The following DGKD variants were observed in gnomAD, a reference collection of about 807,000 sequenced individuals.
The protein encoded by DGKD is diacylglycerol kinase delta, also known as DAG kinase delta.
DGKD carries 68 observed loss-of-function variants against 154.4 expected under a neutral mutation model. The observed-to-expected ratio is 0.44, with a 90% CI of 0.36 to 0.54. The LOEUF (loss-of-function observed/expected upper bound fraction) is 0.54, where lower values mean the gene tolerates loss of function less well. Ranked by LOEUF, DGKD falls within the 20% of genes least tolerant of loss-of-function variation. The probability of loss-of-function intolerance (pLI) is 0.00; values close to 1 mark genes in which losing one functional copy is unlikely to be tolerated. For synonymous variants in DGKD, 693 were observed against 638.0 expected (o/e 1.09, Z -1.30); for missense variants, 1,343 against 1,593.6 (o/e 0.84, Z 2.68).
chr2:233,429,310 A>G (rs2062427902), intron 3 of DGKD: 1 of 985,140 alleles, frequency 1.0e-6, no homozygotes, highest in Non-Finnish European at 1.2e-6. Flanking sequence ...AAGGTATATT[A>G]TCTTTCTCTT....
intron 3 of DGKD, among the ~76,000 whole-genome samples, chr2:233,428,619 G>T (rs976453736): frequency 1.3e-5 from 2 of 152,176 alleles, no homozygotes; most frequent in Non-Finnish European, 2.9e-5. Flanking sequence ...GGAGGCACAG[G>T]GCGGAGAAGC....
At chr2:233,455,712 C>T (rs994242910) in intron 19 of DGKD, among the ~76,000 whole-genome samples, 1 of 152,242 alleles carries the variant, frequency 6.6e-6, no homozygotes, top group African/African-American at 2.4e-5. Flanking sequence ...GCCACGTGGC[C>T]CCCTGTGGCC....
chr2:233,448,064 C>G, intron 12 of DGKD, 23 bp from the exon 13 acceptor site: 1 of 1,613,602 alleles, frequency 6.2e-7, no homozygotes, highest in South Asian at 1.1e-5. Context: ...ACCAACAGTC[C>G]TGGCCATTTG....
In DGKD at chr2:233,390,442, G is replaced by A. The variant is rs542595931; in HGVS notation, c.307G>A (p.Val103Ile). The change falls in exon 3 of 30, where the codon GTA becomes ATA. Residue 103 changes from valine (V) to isoleucine (I), a missense_variant. By Grantham distance (29) the Val-to-Ile change is conservative. This residue lies in a region of DGKD where 332 missense variants were observed against 400.1 expected (regional missense o/e 0.83). Coordinates refer to ENST00000264057, the MANE Select transcript of DGKD (RefSeq NM_152879.3). Reference sequence around the variant, plus strand: ...TGAGGTGGATCTGACAGATGCCAGCGTAGCTGAATCCAGTACCAAAAACGT... The same window carrying A: ...TGAGGTGGATCTGACAGATGCCAGCATAGCTGAATCCAGTACCAAAAACGT... Reference protein sequence around the residue: ...FDEVDLTDASVAESSTKNVNN... With the variant: ...FDEVDLTDASIAESSTKNVNN... 76 of 1,614,074 alleles carry A rather than the reference G, an allele frequency of 4.7e-5. No homozygotes were observed. Among genetic ancestry groups the A allele is most frequent in the Admixed American group, 1.7e-4 (10 of 60,016 alleles).
chr2:233,431,493 T>TCCAGAATAGCCAAAAGAC (rs2062508141), intron 3 of DGKD, among the ~76,000 whole-genome samples: 1 of 152,266 alleles, frequency 6.6e-6, no homozygotes, highest in South Asian at 2.1e-4. Context: ...TTTATATGGA[T>TCCAGAATAGCCAAAAGAC]CCAGAATAGC....
intron 3 of DGKD, among the ~76,000 whole-genome samples, chr2:233,397,020 G>C (rs1340190228): frequency 9.7e-5 from 1 of 10,306 alleles, no homozygotes; most frequent in Non-Finnish European, 2.0e-4. Context: ...GGTGGCTGGG[G>C]GGGGGGGCGC....
chr2:233,433,586 G>A (rs1456766731), intron 3 of DGKD, among the ~76,000 whole-genome samples: 1 of 152,076 alleles, frequency 6.6e-6, no homozygotes, highest in Non-Finnish European at 1.5e-5. Flanking sequence ...GAGTATACTT[G>A]GATTGTTTAT....
intron 27 of DGKD, among the ~76,000 whole-genome samples, chr2:233,464,725 C>T (rs758538431): frequency 4.6e-5 from 7 of 152,210 alleles, no homozygotes; most frequent in Admixed American, 2.6e-4. Flanking sequence ...TCCAGCTCGT[C>T]GCAGGTCTGG....
rs374813757 is a variant in DGKD at position 233,357,537 on chromosome 2, CTTTT to C, written c.156+2878_156+2881del. ...TGCATTTCTTTTTCTTTCTTTCTTT[CTTTT>C]TTTTTTTTTTTTTTGAGACAAGGTC... is the stretch of plus-strand genomic sequence containing the variant. On this transcript the variant is annotated intron_variant, in intron 1 of 29. Transcript: ENST00000264057. Among the ~76,000 whole-genome samples the C allele has an allele frequency of 7.0e-5, 9 of 129,180 alleles. No individual in the cohort carries two copies. The East Asian group carries it at 1.1e-3, about 16-fold the overall frequency. 84.7% of individuals were successfully genotyped at this position (129,180 alleles called of 152,430 possible). A position where few individuals can be genotyped will look rare whatever the true frequency, so the allele number is the denominator to read the frequency against.
intron 28 of DGKD, among the ~76,000 whole-genome samples, chr2:233,467,704 ACT>A (rs911604692): frequency 2.0e-5 from 3 of 151,788 alleles, no homozygotes. Context: ...TTGGAGCTAA[ACT>A]CTCTGTCTGA....
intron 16 of DGKD, 138 bp downstream of exon 16, chr2:233,450,269 A>G (rs1300730728): frequency 8.6e-7 from 1 of 1,162,088 alleles, no homozygotes; most frequent in Non-Finnish European, 1.2e-6. Flanking sequence ...TTGAGCGCCC[A>G]AGGCCTGTTT....
At chr2:233,411,564 A>G (rs946813132) in intron 3 of DGKD, among the ~76,000 whole-genome samples, 2 of 152,030 alleles carry the variant, frequency 1.3e-5, no homozygotes, top group Non-Finnish European at 2.9e-5. Context: ...TTCTTTATGT[A>G]TTTTGGATGT....
chr2:233,404,048 A>ATTACTTT, intron 3 of DGKD, among the ~76,000 whole-genome samples: 1 of 143,002 alleles, frequency 7.0e-6, no homozygotes, highest in Non-Finnish European at 1.6e-5. Context: ...GTGTTACAAA[A>ATTACTTT]TTACATTTTA....
chr2:233,362,667 A>C (rs1305032956), intron 1 of DGKD, among the ~76,000 whole-genome samples: 1 of 152,200 alleles, frequency 6.6e-6, no homozygotes, highest in Admixed American at 6.5e-5. Flanking sequence ...GAAAAAAAAG[A>C]AAGAAAAGTA....
rs772240406 is a variant in DGKD at position 233,468,513 on chromosome 2, G to A, written c.3515G>A (p.Arg1172Gln). The A allele has an allele frequency of 1.4e-5, 22 of 1,613,558 alleles. No individual in the cohort carries two copies. The highest frequency in any genetic ancestry group is 2.2e-5 in the East Asian group (1 of 44,880). Residue 1172 changes from arginine to glutamine, a missense_variant, in exon 29 of 30, where the codon CGG becomes CAG. Physicochemically the swap from Arg to Gln is conservative, Grantham distance 43. Around this residue, in one of 6 missense-constraint regions of DGKD, gnomAD observed 429 missense variants for 496.3 expected, o/e 0.86. Coordinates refer to ENST00000264057, the MANE Select transcript of DGKD (RefSeq NM_152879.3). ...YKDIFTRHDI[R>Q]GSELLHLERR... ...GACATCTTCACACGGCACGACATCC[G>A]GGGCTCTGAGCTCCTGCACCTGGAG... is the stretch of plus-strand genomic sequence containing the variant.
intron 1 of DGKD, among the ~76,000 whole-genome samples, chr2:233,384,816 C>T (rs1703086443): frequency 6.6e-6 from 1 of 152,126 alleles, no homozygotes; most frequent in South Asian, 2.1e-4. Context: ...TTCTGAGCCA[C>T]CACCGGGCTC....
chr2:233,408,611 CAGT>C (rs2061745454), intron 3 of DGKD, among the ~76,000 whole-genome samples: 1 of 152,222 alleles, frequency 6.6e-6, no homozygotes, highest in Non-Finnish European at 1.5e-5. Flanking sequence ...TGCCAGCTCT[CAGT>C]GGTGGGTTCT....
At chr2:233,365,251 G>A (rs1701966101) in intron 1 of DGKD, among the ~76,000 whole-genome samples, 1 of 150,292 alleles carries the variant, frequency 6.7e-6, no homozygotes, top group African/African-American at 2.4e-5. Context: ...TTTTTTGGGA[G>A]ACGGAGTTTC....
At chr2:233,431,876 G>A (rs1331024356) in intron 3 of DGKD, among the ~76,000 whole-genome samples, 2 of 152,184 alleles carry the variant, frequency 1.3e-5, no homozygotes, top group African/African-American at 2.4e-5. Context: ...GAAAACACTG[G>A]GGAAACTTTC....
Sources: allele counts gnomAD v4.1 joint callset (sites outside exome capture counted in the v4.1 genomes callset), GRCh38; gene constraint gnomAD v4.1.1; regional missense constraint gnomAD v4.1.1; transcripts MANE v1.5; gene names NCBI Gene and HGNC (gene_info 2026-07-23, HGNC 2026-07-21).